Variants in CCDC62 observed in about 807,000 individuals in gnomAD.
CCDC62 encodes coiled-coil domain containing 62, also known as coiled-coil domain-containing protein 62.
CCDC62 carries 72 observed loss-of-function variants against 80.8 expected under a neutral mutation model. The ratio of observed to expected loss-of-function variants is 0.89; its 90% confidence interval spans 0.74 to 1.08. The LOEUF is 1.08. Ranked by LOEUF, CCDC62 falls within the 50% of genes least tolerant of loss-of-function variation. The pLI is 0.00. For missense variants in CCDC62, 704 were observed against 809.4 expected, an observed-to-expected ratio of 0.87 and a Z score of 1.58; for synonymous variants, 286 against 296.5, an observed-to-expected ratio of 0.96 and a Z score of 0.36.
At chr12:122,823,574 T>A in intron 12 of CCDC62, 115 bp downstream of exon 12, 2 of 602,146 alleles carry the variant, frequency 3.3e-6, no homozygotes, top group South Asian at 4.4e-5. Flanking sequence ...TAATACTTTC[T>A]CTTTTGCTCG....
At chr12:122,805,363 G>C (rs1249439849) in intron 9 of CCDC62, among the ~76,000 whole-genome samples, 1 of 40,298 alleles carries the variant, frequency 2.5e-5, no homozygotes, top group Non-Finnish European at 5.1e-5. Context: ...TTTTTTTTTT[G>C]AGACAGAGTG....
At position 122,806,182 on chromosome 12, in the gene CCDC62, T is replaced by C; in HGVS notation, c.1738T>C (p.Leu580=). ...AATTGCCATCCAAGATTCCCACTCT[T>C]TGGGTTCTTCAAAATCTGCCTTGAG... ...ELIAIQDSHS[L]GSSKSALRED... Residue 580 remains leucine, a synonymous_variant, in exon 10 of 13, where the codon TTG becomes CTG. Coordinates refer to ENST00000253079, the MANE Select transcript of CCDC62 (RefSeq NM_201435.5). 1 of 1,613,788 alleles carries C rather than the reference T, an allele frequency of 6.2e-7. No individual in the cohort carries two copies. The highest frequency in any genetic ancestry group is 1.1e-5 in the South Asian group (1 of 91,036).
intron 2 of CCDC62, among the ~76,000 whole-genome samples, chr12:122,780,711 A>G (rs1879805380): frequency 6.6e-6 from 1 of 152,194 alleles, no homozygotes; most frequent in Non-Finnish European, 1.5e-5. Flanking sequence ...TCAGTGGAAT[A>G]TTACCTAGCA....
At chr12:122,824,588 A>G (rs1341077163) in intron 12 of CCDC62, among the ~76,000 whole-genome samples, 1 of 152,222 alleles carries the variant, frequency 6.6e-6, no homozygotes, top group Non-Finnish European at 1.5e-5. Context: ...TACAACCCCT[A>G]TGGAAAACAG....
chr12:122,812,777 GAGAAAGAAAGAA>G (rs71440217), intron 10 of CCDC62, among the ~76,000 whole-genome samples: 206 of 57,742 alleles, frequency 3.6e-3, no homozygotes, highest in African/African-American at 0.01. Flanking sequence ...GAGAGAGAGA[GAGAAAGAAAGAA>G]AGAAAGAAAG....
In CCDC62 at chr12:122,784,088, T is replaced by C. The variant is rs117741640; in HGVS notation, c.397-1631T>C. ...CCCCTCACCCCTGGTCACACGAATC[T>C]TTTTACCGCCTCCATAGTTTTGCCT... On this transcript the variant is annotated intron_variant, in intron 3 of 12. Transcript: ENST00000253079. Among the ~76,000 whole-genome samples, 382 of 152,322 alleles carry C rather than the reference T, an allele frequency of 2.5e-3. 4 individuals carry two copies. The highest frequency in any genetic ancestry group is 2.6e-3 in the Non-Finnish European group (176 of 68,030).
At chr12:122,825,542 G>A (rs1330738333) in intron 12 of CCDC62, among the ~76,000 whole-genome samples, 2 of 133,894 alleles carry the variant, frequency 1.5e-5, no homozygotes, top group African/African-American at 5.5e-5. Context: ...TTTTAGTAGA[G>A]ACGGGGTTTC....
intron 10 of CCDC62, among the ~76,000 whole-genome samples, chr12:122,809,207 A>G (rs1388692678): frequency 6.6e-6 from 1 of 152,276 alleles, no homozygotes; most frequent in Admixed American, 6.5e-5. Flanking sequence ...TCAGGCCATC[A>G]GGCCGGGCGT....
intron 11 of CCDC62, among the ~76,000 whole-genome samples, chr12:122,816,300 A>G (rs1461362534): frequency 6.6e-6 from 1 of 152,210 alleles, no homozygotes; most frequent in East Asian, 1.9e-4. Flanking sequence ...TTTTAATGAC[A>G]AAACTATTTT....
At chr12:122,784,140 C>A (rs1315854711) in intron 3 of CCDC62, among the ~76,000 whole-genome samples, 1 of 152,188 alleles carries the variant, frequency 6.6e-6, no homozygotes, top group African/African-American at 2.4e-5. Context: ...TGCTTGGAAT[C>A]CTACAGTATA....
At chr12:122,794,239 G>A (rs2135548899) in intron 6 of CCDC62, among the ~76,000 whole-genome samples, 1 of 152,250 alleles carries the variant, frequency 6.6e-6, no homozygotes, top group South Asian at 2.1e-4. Context: ...TCTTTACCCA[G>A]GCTGGAGTGC....
chr12:122,823,997 GTTA>G (rs1172156589), intron 12 of CCDC62, among the ~76,000 whole-genome samples: 3 of 151,848 alleles, frequency 2.0e-5, no homozygotes, highest in African/African-American at 4.8e-5. Flanking sequence ...AAAAAAAAAA[GTTA>G]TTATTCTCAA....
chr12:122,780,484 G>C (rs1223700618), intron 2 of CCDC62, among the ~76,000 whole-genome samples: 4 of 150,578 alleles, frequency 2.7e-5, no homozygotes, highest in Admixed American at 2.7e-4. Flanking sequence ...CGTGGTGGCA[G>C]GCACCTGTAG....
intron 10 of CCDC62, among the ~76,000 whole-genome samples, chr12:122,812,810 AG>A (rs2031991326): frequency 6.6e-6 from 1 of 150,684 alleles, no homozygotes; most frequent in Non-Finnish European, 1.5e-5. Flanking sequence ...AAAGAAAGAA[AG>A]AAAGAAAGAA....
At chr12:122,790,439 G>GA (rs2030534594) in intron 5 of CCDC62, among the ~76,000 whole-genome samples, 1 of 152,134 alleles carries the variant, frequency 6.6e-6, no homozygotes, top group Non-Finnish European at 1.5e-5. Flanking sequence ...AAAGCAGGCA[G>GA]ATTGCTTGAG....
intron 10 of CCDC62, among the ~76,000 whole-genome samples, chr12:122,813,029 C>A (rs1296393351): frequency 2.1e-5 from 1 of 47,906 alleles, no homozygotes; most frequent in Non-Finnish European, 7.3e-5. Flanking sequence ...GAGATCCCAC[C>A]TCTACCAAAA....
intron 11 of CCDC62, among the ~76,000 whole-genome samples, chr12:122,822,764 A>G (rs77528804): frequency 0.019 from 2,945 of 151,674 alleles, 57 homozygotes; most frequent in Non-Finnish European, 0.022. Context: ...CACGCAGTCT[A>G]ATGTCCTCCA....
chr12:122,779,318 G>A (rs959811413), intron 2 of CCDC62, among the ~76,000 whole-genome samples: 2 of 152,208 alleles, frequency 1.3e-5, no homozygotes, highest in Non-Finnish European at 2.9e-5. Flanking sequence ...GACGCTGCTG[G>A]TGGGAGTCAG....
chr12:122,812,744 AGAGAGAGGGAGG>A (rs2031956872), intron 10 of CCDC62, among the ~76,000 whole-genome samples: 1 of 128,770 alleles, frequency 7.8e-6, no homozygotes, highest in Non-Finnish European at 1.6e-5. Context: ...AAAGAAAGAG[AGAGAGAGGGAGG>A]GAGAGAGAGA....
Sources: allele counts gnomAD v4.1 joint callset (sites outside exome capture counted in the v4.1 genomes callset), GRCh38; gene constraint gnomAD v4.1.1; transcripts MANE v1.5; gene names NCBI Gene and HGNC (gene_info 2026-07-23, HGNC 2026-07-21).